The following EXOC4 variants were observed in gnomAD, a reference collection of about 807,000 sequenced individuals.
EXOC4 encodes exocyst complex component 4.
EXOC4 carries 71 observed loss-of-function variants against 107.2 expected under a neutral mutation model. That is an observed-to-expected ratio of 0.66 (90% CI 0.55 to 0.81). EXOC4 has a LOEUF of 0.81. Among genes scored for constraint, EXOC4 ranks in the 30% least tolerant of loss-of-function variants. The pLI is 0.00. For missense variants in EXOC4, 1,108 were observed against 1,189.6 expected (o/e 0.93, Z 1.01); for synonymous variants, 456 against 441.2 (o/e 1.03, Z -0.42).
chr7:133,916,350 C>T (rs981145482), intron 12 of EXOC4, among the ~76,000 whole-genome samples: 1 of 152,136 alleles, frequency 6.6e-6, no homozygotes, highest in Non-Finnish European at 1.5e-5. Flanking sequence ...AGTCCGTGGC[C>T]CAGGGGTTGG....
chr7:133,755,313 T>TTA (rs1200877166), intron 10 of EXOC4, among the ~76,000 whole-genome samples: 11 of 103,158 alleles, frequency 1.1e-4, no homozygotes, highest in East Asian at 2.6e-4. Flanking sequence ...TATATATATA[T>TTA]TATATATATA....
intron 16 of EXOC4, among the ~76,000 whole-genome samples, chr7:134,005,769 G>T (rs1475502797): frequency 6.6e-6 from 1 of 152,110 alleles, no homozygotes; most frequent in Non-Finnish European, 1.5e-5. Flanking sequence ...TTGTATCTGT[G>T]TTCTCTCACA....
chr7:133,997,745 T>G, intron 15 of EXOC4, 112 bp downstream of exon 15: 1 of 1,241,774 alleles, frequency 8.1e-7, no homozygotes. Flanking sequence ...TTATTGATGT[T>G]ATCCCTTTTT....
At chr7:133,633,701 A>T (rs1020592428) in intron 10 of EXOC4, among the ~76,000 whole-genome samples, 27 of 348 alleles carry the variant, frequency 0.078, no homozygotes, top group African/African-American at 0.082. Flanking sequence ...CTGGGCAACA[A>T]GAGCGAAACT....
chr7:133,792,267 A>G (rs987487933), intron 10 of EXOC4, among the ~76,000 whole-genome samples: 9 of 152,148 alleles, frequency 5.9e-5, no homozygotes, highest in African/African-American at 2.2e-4. Context: ...TCATTTAAAA[A>G]TGCCTTAAAA....
chr7:133,783,908 G>A (rs1796516172), intron 10 of EXOC4, among the ~76,000 whole-genome samples: 1 of 152,242 alleles, frequency 6.6e-6, no homozygotes, highest in South Asian at 2.1e-4. Context: ...TAGATGAAAT[G>A]CATGTTTATT....
chr7:133,426,047 A>G lies in EXOC4; in HGVS notation c.1183-49281A>G, dbSNP rs79192206. 4.8e-3 allele frequency among the ~76,000 whole-genome samples: 731 copies of G among 152,296 alleles called. 3 individuals carry two copies. The highest frequency in any genetic ancestry group is 0.017 in the Middle Eastern group (5 of 294). ...CTCAGGATCTCATGAGGGTTGTGCCATTGGCCATGGTCACTAATATTTGGC... is the reference window on the plus strand; with the variant it reads ...CTCAGGATCTCATGAGGGTTGTGCCGTTGGCCATGGTCACTAATATTTGGC... On this transcript the variant is annotated intron_variant, in intron 7 of 17. Coordinates refer to ENST00000253861, the MANE Select transcript of EXOC4 (RefSeq NM_021807.4).
At chr7:133,787,333 A>G (rs1262844975) in intron 10 of EXOC4, among the ~76,000 whole-genome samples, 2 of 119,034 alleles carry the variant, frequency 1.7e-5, no homozygotes, top group Non-Finnish European at 3.5e-5. Flanking sequence ...CAATAGGCTA[A>G]TTTGTGTGTG....
chr7:133,738,192 G>C (rs1249639902), intron 10 of EXOC4, among the ~76,000 whole-genome samples: 3 of 151,912 alleles, frequency 2.0e-5, no homozygotes, highest in African/African-American at 7.3e-5. Context: ...GATTACAGGC[G>C]TGAGCCACCA....
chr7:133,769,490 G>A (rs1185353826), intron 10 of EXOC4, among the ~76,000 whole-genome samples: 1 of 151,710 alleles, frequency 6.6e-6, no homozygotes, highest in South Asian at 2.1e-4. Context: ...GGTTGTGTTT[G>A]GTTTTTATTC....
At chr7:133,258,451 C>T (rs1366637656) in intron 1 of EXOC4, among the ~76,000 whole-genome samples, 1 of 152,074 alleles carries the variant, frequency 6.6e-6, no homozygotes, top group African/African-American at 2.4e-5. Flanking sequence ...ACCTGTGTAA[C>T]CTTGGAACAG....
At chr7:134,063,376 A>G (rs115241488) in intron 17 of EXOC4, among the ~76,000 whole-genome samples, 1 of 152,298 alleles carries the variant, frequency 6.6e-6, no homozygotes, top group Middle Eastern at 3.4e-3. Context: ...CTTATGGCAC[A>G]CAGAATATTC....
At chr7:133,644,808 C>T (rs908894804) in intron 10 of EXOC4, among the ~76,000 whole-genome samples, 9 of 152,152 alleles carry the variant, frequency 5.9e-5, no homozygotes, top group South Asian at 2.1e-4. Flanking sequence ...GCCCCCCTCA[C>T]GCCTAGGCCC....
intron 10 of EXOC4, among the ~76,000 whole-genome samples, chr7:133,655,377 C>A (rs1803265787): frequency 6.6e-6 from 1 of 152,014 alleles, no homozygotes. Context: ...TTGAAATATA[C>A]CATACACTGT....
chr7:134,093,273 TC>T, the EXOC4 span, among the ~76,000 whole-genome samples: 24 of 152,124 alleles, frequency 1.6e-4, no homozygotes, highest in African/African-American at 5.3e-4. Context: ...GGGTCACTCT[TC>T]TTATATCAGA....
rs186470842 is a variant in EXOC4, at chr7:133,597,919, T to C, written c.1418-32126T>C. On this transcript the variant is annotated intron_variant, in intron 9 of 17. Coordinates refer to ENST00000253861, the MANE Select transcript of EXOC4 (RefSeq NM_021807.4). ...AATCAATCCCAGCTACTCTGGAGGC[T>C]GAGGCAGGAGAATTGCTTGAACCTG... Among the ~76,000 whole-genome samples the C allele has an allele frequency of 5.0e-3, 754 of 152,016 alleles. 8 individuals carry two copies. The highest frequency in any genetic ancestry group is 0.017 in the African/African-American group (717 of 41,442).
intron 9 of EXOC4, among the ~76,000 whole-genome samples, chr7:133,523,858 G>T (rs1306267043): frequency 6.6e-6 from 1 of 152,044 alleles, no homozygotes; most frequent in African/African-American, 2.4e-5. Context: ...GGACATTTGG[G>T]TTGGTTCCAA....
intron 10 of EXOC4, among the ~76,000 whole-genome samples, chr7:133,797,800 A>C (rs1267924774): frequency 1.3e-5 from 2 of 152,228 alleles, no homozygotes; most frequent in East Asian, 3.8e-4. Flanking sequence ...AAGTTCCTAA[A>C]TAGCACTTGC....
intron 7 of EXOC4, among the ~76,000 whole-genome samples, chr7:133,378,821 AAGAT>A (rs1211349569): frequency 6.6e-6 from 1 of 152,106 alleles, no homozygotes; most frequent in Non-Finnish European, 1.5e-5. Context: ...ATAAAAAACA[AAGAT>A]AGGATGAATA....
Sources: allele counts gnomAD v4.1 joint callset (sites outside exome capture counted in the v4.1 genomes callset), GRCh38; gene constraint gnomAD v4.1.1; transcripts MANE v1.5; gene names NCBI Gene and HGNC (gene_info 2026-07-23, HGNC 2026-07-21).